Variants in ADGRV1 observed in about 807,000 individuals in gnomAD.
ADGRV1 encodes the protein G-protein coupled receptor 98.
A neutral mutation model predicts 596.2 loss-of-function variants in ADGRV1; 359 were observed. The ratio of observed to expected loss-of-function variants is 0.60; its 90% CI spans 0.55 to 0.66. ADGRV1 has a LOEUF of 0.66. Ranked by LOEUF, ADGRV1 falls within the 30% of genes least tolerant of loss-of-function variation. The pLI, the probability that ADGRV1 is intolerant of heterozygous loss-of-function variation, is 0.00. For missense variants in ADGRV1, 7,274 were observed against 7,575.6 expected (o/e 0.96, Z 1.48); for synonymous variants, 2,681 against 2,679.2 (o/e 1.00, Z -0.02).
chr5:90,702,975 A>G (rs1748098367), intron 34 of ADGRV1, among the ~76,000 whole-genome samples: 1 of 152,002 alleles, frequency 6.6e-6, no homozygotes, highest in Non-Finnish European at 1.5e-5. Flanking sequence ...AGCTTACTTT[A>G]TGCTTTTAGC....
At position 90,937,684 on chromosome 5, in the gene ADGRV1, T is replaced by C. The variant is rs1220132374; in HGVS notation, c.17857-27731T>C. On this transcript the variant is annotated intron_variant, in intron 83 of 89. Transcript: ENST00000405460. ...GTGTTAGCCAGGTTGGTCTCGATCT[T>C]CTGACCCCATGATCCGCCCGCCTTG... 4.6e-5 allele frequency among the ~76,000 whole-genome samples: 7 copies of C among 152,128 alleles called. No homozygotes were observed. The East Asian group carries it at 9.7e-4, about 21-fold the overall frequency.
rs570511618 is a variant in ADGRV1 at position 90,796,477 on chromosome 5, T to C, written c.14517+5131T>C. ...AAAGCCTCCAAGAAATATGGGACTA[T>C]GTGAAAAGACTACGTTTGATTGGTG... is the stretch of plus-strand genomic sequence containing the variant. On this transcript the variant is annotated intron_variant, in intron 70 of 89. Coordinates refer to ENST00000405460, the MANE Select transcript of ADGRV1 (RefSeq NM_032119.4). 4.6e-5 allele frequency among the ~76,000 whole-genome samples: 7 copies of C among 151,998 alleles called. No individual in the cohort carries two copies. The South Asian group carries it at 1.2e-3, about 27-fold the overall frequency.
At chr5:91,154,291 A>G (rs1796288138) in intron 89 of ADGRV1, among the ~76,000 whole-genome samples, 1 of 152,208 alleles carries the variant, frequency 6.6e-6, no homozygotes, top group South Asian at 2.1e-4. Flanking sequence ...GAAGTTATTG[A>G]AATATTTATT....
At position 90,729,677 on chromosome 5, in the gene ADGRV1, A is replaced by G; in HGVS notation, c.10462A>G (p.Met3488Val). Residue 3488 changes from methionine (M) to valine (V), a missense_variant, in exon 50 of 90, where the codon ATG becomes GTG. By Grantham distance (21) the Met-to-Val change is conservative. This residue lies in a region of ADGRV1 where 3,643 missense variants were observed against 3,809.2 expected (regional missense o/e 0.96). Transcript: ENST00000405460. Reference sequence around the variant, plus strand: ...TTCAATTGATATTTTCATCTGGGAGATGGGACAGTCTTCCTTCAGGTATTT... The same window carrying G: ...TTCAATTGATATTTTCATCTGGGAGGTGGGACAGTCTTCCTTCAGGTATTT... ...QNSIDIFIWE[M>V]GQSSFRYFQS... The G allele has an allele frequency of 6.2e-7, 1 of 1,606,830 alleles. No homozygotes were observed. The highest frequency in any genetic ancestry group is 8.5e-7 in the Non-Finnish European group (1 of 1,174,080).
chr5:90,872,660 C>T (rs1342973691), intron 83 of ADGRV1, among the ~76,000 whole-genome samples: 8 of 152,082 alleles, frequency 5.3e-5, no homozygotes, highest in Non-Finnish European at 1.2e-4. Flanking sequence ...GTATTATTGC[C>T]TCTGCATTGT....
chr5:91,150,009 C>CTTTTT (rs35858094), intron 87 of ADGRV1, 21 bp from the exon 88 acceptor site: 33 of 1,288,796 alleles, frequency 2.6e-5, no homozygotes, highest in South Asian at 1.4e-4. Context: ...CTTTTCTTTT[C>CTTTTT]TTTTTTTTTT....
chr5:90,798,964 A>T (rs879054357), intron 70 of ADGRV1, among the ~76,000 whole-genome samples: 1 of 152,218 alleles, frequency 6.6e-6, no homozygotes, highest in Non-Finnish European at 1.5e-5. Context: ...ACCCACAACC[A>T]ATATCATACT....
chr5:90,715,012 A>G (rs1242235909), intron 42 of ADGRV1, among the ~76,000 whole-genome samples: 1 of 152,238 alleles, frequency 6.6e-6, no homozygotes, highest in Non-Finnish European at 1.5e-5. Context: ...TTGAATTAAA[A>G]TTATGGATTA....
At chr5:90,559,464 G>T (rs1015348790) in intron 1 of ADGRV1, among the ~76,000 whole-genome samples, 3 of 152,006 alleles carry the variant, frequency 2.0e-5, no homozygotes, top group Non-Finnish European at 2.9e-5. Context: ...AGAATAATAT[G>T]TATATGTATA....
intron 1 of ADGRV1, among the ~76,000 whole-genome samples, chr5:90,594,304 CTTGTGAGTTG>C (rs57262506): frequency 0.012 from 1,877 of 151,998 alleles, 39 homozygotes; most frequent in African/African-American, 0.043. Flanking sequence ...TGAGTGAGTT[CTTGTGAGTTG>C]TGATAGTTTT....
intron 42 of ADGRV1, among the ~76,000 whole-genome samples, chr5:90,713,387 G>GTA (rs141940225): frequency 0.032 from 4,769 of 150,160 alleles, 232 homozygotes; most frequent in African/African-American, 0.11. Flanking sequence ...AGTTCAAAGA[G>GTA]TATATGTTTG....
At chr5:90,890,559 A>G (rs1050362457) in intron 83 of ADGRV1, among the ~76,000 whole-genome samples, 2 of 152,186 alleles carry the variant, frequency 1.3e-5, no homozygotes, top group African/African-American at 4.8e-5. Flanking sequence ...TGAAGATAGC[A>G]GAGTAAAAAC....
At chr5:90,644,289 G>A (rs771578078) in intron 14 of ADGRV1, among the ~76,000 whole-genome samples, 17 of 152,146 alleles carry the variant, frequency 1.1e-4, no homozygotes, top group Non-Finnish European at 1.8e-4. Context: ...CTACTGCTAC[G>A]GAACTGTTGA....
At chr5:90,663,123 A>G (rs988624071) in intron 21 of ADGRV1, among the ~76,000 whole-genome samples, 2 of 149,962 alleles carry the variant, frequency 1.3e-5, no homozygotes, top group African/African-American at 4.9e-5. Context: ...TTGGGTATAT[A>G]CCCAGTAATG....
chr5:90,922,559 C>A (rs1773977451), intron 83 of ADGRV1, among the ~76,000 whole-genome samples: 1 of 152,080 alleles, frequency 6.6e-6, no homozygotes, highest in Admixed American at 6.6e-5. Context: ...CTATTTTTCC[C>A]TTCTTCCTCT....
chr5:91,148,642 G>A (rs1795759370), intron 87 of ADGRV1, among the ~76,000 whole-genome samples: 3 of 152,178 alleles, frequency 2.0e-5, no homozygotes, highest in South Asian at 4.1e-4. Context: ...GGGAAATTGG[G>A]GTTGGAGCCC....
intron 69 of ADGRV1, among the ~76,000 whole-genome samples, chr5:90,790,349 G>C (rs757069182): frequency 6.6e-6 from 1 of 152,172 alleles, no homozygotes; most frequent in Non-Finnish European, 1.5e-5. Flanking sequence ...CATATTTTGT[G>C]AAATTTCTCT....
chr5:91,111,163 A>G (rs1224732018), intron 87 of ADGRV1, among the ~76,000 whole-genome samples: 1 of 152,174 alleles, frequency 6.6e-6, no homozygotes, highest in East Asian at 1.9e-4. Flanking sequence ...GGTGGTCACT[A>G]GAGTGTCTTA....
chr5:91,079,868 TA>T (rs1789186173), intron 86 of ADGRV1, among the ~76,000 whole-genome samples: 1 of 152,120 alleles, frequency 6.6e-6, no homozygotes, highest in Non-Finnish European at 1.5e-5. Context: ...AGAGCATGGA[TA>T]TGGGACGGGG....
Sources: gnomAD v4.1 joint callset for allele counts (sites outside exome capture counted in the v4.1 genomes callset) on GRCh38, gnomAD v4.1.1 for gene constraint, gnomAD v4.1.1 regional missense constraint, MANE v1.5 for transcripts, NCBI Gene and HGNC (gene_info 2026-07-23, HGNC 2026-07-21) for gene names.